The following SCUBE1 variants were observed in gnomAD, a reference collection of about 807,000 sequenced individuals.
The protein encoded by SCUBE1 is signal peptide, CUB domain and EGF like domain containing 1.
A neutral mutation model predicts 124.4 loss-of-function variants in SCUBE1; 59 were observed. The ratio of observed to expected loss-of-function variants is 0.47; its 90% CI spans 0.38 to 0.59. The LOEUF is 0.59. Ranked by LOEUF, SCUBE1 falls within the 20% of genes least tolerant of loss-of-function variation. The pLI is 0.00. For synonymous variants in SCUBE1, 545 were observed against 550.9 expected (o/e 0.99, Z 0.15); for missense variants, 1,150 against 1,371.2 (o/e 0.84, Z 2.55).
intron 2 of SCUBE1, among the ~76,000 whole-genome samples, chr22:43,336,909 C>CATAG (rs1432467262): frequency 2.0e-5 from 3 of 152,076 alleles, no homozygotes; most frequent in Admixed American, 1.3e-4. Context: ...GGCTCACAAA[C>CATAG]ATAGAGCAAC....
At chr22:43,335,361 C>T (rs1601900483) in intron 2 of SCUBE1, among the ~76,000 whole-genome samples, 1 of 152,138 alleles carries the variant, frequency 6.6e-6, no homozygotes, top group South Asian at 2.1e-4. Context: ...GTAAGTAGGT[C>T]CCCAGGGATG....
At position 43,243,113 on chromosome 22, in the gene SCUBE1, C is replaced by T. The variant is rs146767044; in HGVS notation, c.728-4159G>A. 8.3e-3 allele frequency among the ~76,000 whole-genome samples: 1,258 copies of T among 152,370 alleles called. 8 individuals carry two copies. Among genetic ancestry groups the T allele is most frequent in the Middle Eastern group, 0.044 (13 of 294 alleles). On this transcript the variant is annotated intron_variant, in intron 6 of 21. Coordinates refer to ENST00000360835, the MANE Select transcript of SCUBE1 (RefSeq NM_173050.5). ...TGGGCCACCGCACACGCCACACACC[C>T]TAGAAGCTGGCCGTGTTCAGGTCAC... is the stretch of plus-strand genomic sequence containing the variant.
rs557277653 is a variant in SCUBE1 at position 43,303,307 on chromosome 22, G to T, written c.350-12127C>A. Among the ~76,000 whole-genome samples, 87 of 152,318 alleles carry T rather than the reference G, an allele frequency of 5.7e-4. No individual in the cohort carries two copies. The Middle Eastern group carries it at 0.034, about 60-fold the overall frequency. ...TTGAGCGTGAGCGTCCTTGGCACAC[G>T]CCAGGCCTGTGGCCATACCCTGATC... is the stretch of plus-strand genomic sequence containing the variant. On this transcript the variant is annotated intron_variant, in intron 3 of 21. Transcript: ENST00000360835.
intron 3 of SCUBE1, among the ~76,000 whole-genome samples, chr22:43,296,388 G>C (rs1387596138): frequency 6.6e-6 from 1 of 152,220 alleles, no homozygotes; most frequent in Non-Finnish European, 1.5e-5. Flanking sequence ...AGGAGGGGTA[G>C]GGGGAGTGTC....
chr22:43,257,529 C>T (rs951371612), intron 6 of SCUBE1, among the ~76,000 whole-genome samples: 4 of 152,166 alleles, frequency 2.6e-5, no homozygotes, highest in Non-Finnish European at 4.4e-5. Context: ...AAGGAGGTGA[C>T]GGAGACTCAG....
At chr22:43,277,107 C>T (rs1273508876) in intron 4 of SCUBE1, among the ~76,000 whole-genome samples, 1 of 151,606 alleles carries the variant, frequency 6.6e-6, no homozygotes, top group Non-Finnish European at 1.5e-5. Flanking sequence ...GCGTAGGTTC[C>T]ACCTGGGGGA....
rs367681351 is a variant in SCUBE1, at chr22:43,284,614, C to T, written c.484+6432G>A. ...AAAGCCACTGGCAACCCTGCAGTTC[C>T]CTAACCTCTCAGTGCCTCAAGTTTC... On this transcript the variant is annotated intron_variant, in intron 4 of 21. Transcript: ENST00000360835. Among the ~76,000 whole-genome samples the T allele has an allele frequency of 1.4e-4, 22 of 152,334 alleles. No individual in the cohort carries two copies. The South Asian group carries it at 4.1e-3, about 29-fold the overall frequency.
chr22:43,235,250 T>C (rs1271980225), intron 7 of SCUBE1, among the ~76,000 whole-genome samples: 1 of 151,906 alleles, frequency 6.6e-6, no homozygotes, highest in Non-Finnish European at 1.5e-5. Flanking sequence ...TCACCCAGGG[T>C]TGGAGCTTGA....
At chr22:43,290,610 C>T (rs5759261) in intron 4 of SCUBE1, among the ~76,000 whole-genome samples, 18,665 of 152,266 alleles carry the variant, frequency 0.12, 2,316 homozygotes, top group East Asian at 0.5. Flanking sequence ...CCTCTCCTGG[C>T]GGGAAACCCA....
chr22:43,292,163 C>T (rs1569016448), intron 3 of SCUBE1, among the ~76,000 whole-genome samples: 1 of 152,156 alleles, frequency 6.6e-6, no homozygotes, highest in Non-Finnish European at 1.5e-5. Context: ...CTGTGCCCTG[C>T]AACTGATTTC....
chr22:43,254,953 G>T (rs1923598893), intron 6 of SCUBE1, among the ~76,000 whole-genome samples: 1 of 152,210 alleles, frequency 6.6e-6, no homozygotes, highest in South Asian at 2.1e-4. Flanking sequence ...GAAGTAGGTG[G>T]CTTTTTCCCT....
At chr22:43,313,477 G>A (rs1926239562) in intron 3 of SCUBE1, among the ~76,000 whole-genome samples, 1 of 152,168 alleles carries the variant, frequency 6.6e-6, no homozygotes, top group African/African-American at 2.4e-5. Flanking sequence ...ATCCACTGCT[G>A]GTTTTAATTT....
intron 3 of SCUBE1, among the ~76,000 whole-genome samples, chr22:43,295,517 C>T (rs1442597997): frequency 2.7e-5 from 4 of 149,446 alleles, no homozygotes. Context: ...GGGACCAGTC[C>T]CAGGGGGCAG....
At chr22:43,208,821 C>T (rs1035477959) in intron 19 of SCUBE1, among the ~76,000 whole-genome samples, 5 of 152,230 alleles carry the variant, frequency 3.3e-5, no homozygotes, top group Admixed American at 1.3e-4. Flanking sequence ...ACTCTGCAAA[C>T]CATCCTTTTC....
rs369020814 is a variant in SCUBE1 at position 43,313,752 on chromosome 22, A to G, written c.349+6185T>C. On this transcript the variant is annotated intron_variant, in intron 3 of 21. Coordinates refer to ENST00000360835, the MANE Select transcript of SCUBE1 (RefSeq NM_173050.5). ...CAGAGGACAGACTTGGCCACCCTCC[A>G]GGACACAGTCACAGGCAGGCCATCT... 8.5e-4 allele frequency among the ~76,000 whole-genome samples: 129 copies of G among 152,390 alleles called. 2 individuals are homozygous for G. In the South Asian group the frequency reaches 0.011, roughly 13 times the overall value.
At chr22:43,251,334 G>A (rs556947525) in intron 6 of SCUBE1, among the ~76,000 whole-genome samples, 27 of 152,298 alleles carry the variant, frequency 1.8e-4, no homozygotes, top group Middle Eastern at 6.8e-3. Context: ...CCTAACGGAG[G>A]GTTCCTTCAG....
intron 4 of SCUBE1, among the ~76,000 whole-genome samples, chr22:43,286,328 C>T (rs1373945026): frequency 2.0e-5 from 3 of 152,242 alleles, no homozygotes; most frequent in African/African-American, 4.8e-5. Flanking sequence ...CCTGAAGCCC[C>T]GCTGTGAGCC....
At chr22:43,281,589 T>TCCTGTCACCTCCCTTCA (rs1569011212) in intron 4 of SCUBE1, among the ~76,000 whole-genome samples, 69 of 122,870 alleles carry the variant, frequency 5.6e-4, no homozygotes, top group East Asian at 9.2e-4. Flanking sequence ...ACCTCCCTTC[T>TCCTGTCACCTCCCTTCA]CAGCCACCCT....
intron 6 of SCUBE1, among the ~76,000 whole-genome samples, chr22:43,249,422 T>C (rs543863165): frequency 3.9e-5 from 6 of 152,148 alleles, no homozygotes; most frequent in Non-Finnish European, 8.8e-5. Context: ...AGGGTGGCTG[T>C]GCACTTAAAT....
Sources: allele counts gnomAD v4.1 joint callset (sites outside exome capture counted in the v4.1 genomes callset), GRCh38; gene constraint gnomAD v4.1.1; transcripts MANE v1.5; gene names NCBI Gene and HGNC (gene_info 2026-07-23, HGNC 2026-07-21).